CRTAC1: variants seen among roughly 807,000 people sequenced by gnomAD.
The protein encoded by CRTAC1 is cartilage acidic protein 1, also known as acidic secreted protein in cartilage.
In CRTAC1, 37 loss-of-function variants were observed where a neutral mutation model predicts 67.8. The observed-to-expected ratio is 0.55, with a 90% CI of 0.42 to 0.72. CRTAC1 has a LOEUF of 0.72. CRTAC1 is among the 30% of genes least tolerant of loss of function. The pLI, the probability that CRTAC1 is intolerant of heterozygous loss-of-function variation, is 0.00. For missense variants in CRTAC1, 780 were observed against 931.6 expected (o/e 0.84, Z 2.12); for synonymous variants, 348 against 371.0 (o/e 0.94, Z 0.71).
intron 11 of CRTAC1, among the ~76,000 whole-genome samples, chr10:97,886,632 AT>A (rs909518598): frequency 1.2e-4 from 16 of 136,262 alleles, no homozygotes; most frequent in East Asian, 4.5e-4. Flanking sequence ...CCAACTACAG[AT>A]TTTTTTTTCT....
At chr10:97,989,648 T>C (rs980994433) in intron 2 of CRTAC1, among the ~76,000 whole-genome samples, 9 of 152,272 alleles carry the variant, frequency 5.9e-5, no homozygotes, top group Non-Finnish European at 1.2e-4. Flanking sequence ...TTGCATGCCA[T>C]AACTCCTATT....
At chr10:97,930,547 AG>A (rs1165520874) in intron 3 of CRTAC1, among the ~76,000 whole-genome samples, 1 of 152,240 alleles carries the variant, frequency 6.6e-6, no homozygotes. Flanking sequence ...GGGGCCTAAC[AG>A]TCTGCATTTT....
intron 5 of CRTAC1, among the ~76,000 whole-genome samples, chr10:97,914,919 G>A (rs1366881119): frequency 2.0e-5 from 3 of 152,100 alleles, no homozygotes; most frequent in Non-Finnish European, 4.4e-5. Flanking sequence ...GAGCTGGCAT[G>A]GTGGCCACTA....
At chr10:97,879,203 T>A (rs2050180432) in intron 14 of CRTAC1, among the ~76,000 whole-genome samples, 1 of 152,102 alleles carries the variant, frequency 6.6e-6, no homozygotes, top group African/African-American at 2.4e-5. Flanking sequence ...AGGACCACCC[T>A]TTTCCCTCCC....
At chr10:97,885,944 T>C (rs1247727459) in intron 11 of CRTAC1, among the ~76,000 whole-genome samples, 13 of 152,272 alleles carry the variant, frequency 8.5e-5, no homozygotes. Flanking sequence ...GTTGAATGTA[T>C]ATTCGCATTT....
intron 12 of CRTAC1, 72 bp from the exon 13 acceptor site, chr10:97,882,900 G>A: frequency 6.7e-7 from 1 of 1,486,070 alleles, no homozygotes; most frequent in Non-Finnish European, 9.4e-7. Flanking sequence ...CCTAGTCACA[G>A]CCACAGAGTA....
At chr10:97,934,233 A>G (rs569934488) in intron 3 of CRTAC1, among the ~76,000 whole-genome samples, 20 of 152,326 alleles carry the variant, frequency 1.3e-4, no homozygotes, top group African/African-American at 4.3e-4. Context: ...ACCTTGTCCA[A>G]CGTTAAAGAG....
chr10:97,983,112 G>A (rs2136665092), intron 2 of CRTAC1, among the ~76,000 whole-genome samples: 1 of 152,338 alleles, frequency 6.6e-6, no homozygotes, highest in East Asian at 1.9e-4. Context: ...AAACAAGTAT[G>A]AAACATGCCA....
intron 3 of CRTAC1, among the ~76,000 whole-genome samples, chr10:97,934,327 G>A (rs2051048435): frequency 6.6e-6 from 1 of 152,192 alleles, no homozygotes; most frequent in Non-Finnish European, 1.5e-5. Flanking sequence ...GCATAATCAT[G>A]CCCTGATATT....
intron 14 of CRTAC1, among the ~76,000 whole-genome samples, 196 bp downstream of exon 14, chr10:97,880,053 C>T (rs113991763): frequency 2.0e-5 from 3 of 152,310 alleles, no homozygotes; most frequent in African/African-American, 7.2e-5. Flanking sequence ...CCTGGCCCTT[C>T]AGGTGATGGT....
intron 2 of CRTAC1, among the ~76,000 whole-genome samples, chr10:98,010,241 T>C (rs1842879558): frequency 6.6e-6 from 1 of 152,104 alleles, no homozygotes; most frequent in Admixed American, 6.6e-5. Flanking sequence ...GGTTTCACCA[T>C]GTTGGCCAGG....
intron 2 of CRTAC1, among the ~76,000 whole-genome samples, chr10:97,965,457 C>G (rs1022271587): frequency 4.6e-5 from 7 of 152,176 alleles, no homozygotes; most frequent in African/African-American, 1.2e-4. Flanking sequence ...TCTCCCCTTT[C>G]TTTTGTAGCT....
At chr10:97,981,418 T>C (rs2051889398) in intron 2 of CRTAC1, among the ~76,000 whole-genome samples, 1 of 152,222 alleles carries the variant, frequency 6.6e-6, no homozygotes, top group Admixed American at 6.5e-5. Flanking sequence ...TTCTTTCCCT[T>C]AGTTATGATA....
At chr10:98,012,463 C>T (rs1415407549) in intron 1 of CRTAC1, among the ~76,000 whole-genome samples, 1 of 152,194 alleles carries the variant, frequency 6.6e-6, no homozygotes, top group Non-Finnish European at 1.5e-5. Context: ...CTAGTCCCAG[C>T]AGGCAAAGCG....
chr10:98,015,005 T>C (rs979284495), intron 1 of CRTAC1, among the ~76,000 whole-genome samples: 5 of 152,342 alleles, frequency 3.3e-5, no homozygotes, highest in Non-Finnish European at 1.5e-5. Context: ...CCCATGTTCA[T>C]AGAAGTATTA....
At chr10:97,964,149 C>A (rs2136645345) in intron 2 of CRTAC1, among the ~76,000 whole-genome samples, 1 of 152,292 alleles carries the variant, frequency 6.6e-6, no homozygotes, top group South Asian at 2.1e-4. Context: ...ACAGAATGAG[C>A]TACTTGCTAA....
At chr10:97,930,239 C>T (rs138266954) in intron 3 of CRTAC1, among the ~76,000 whole-genome samples, 24 of 152,322 alleles carry the variant, frequency 1.6e-4, no homozygotes, top group African/African-American at 5.3e-4. Context: ...TGAGGTTGCT[C>T]GTAGGAGGCA....
chr10:98,005,549 C>T (rs894331684), intron 2 of CRTAC1, among the ~76,000 whole-genome samples: 2 of 151,646 alleles, frequency 1.3e-5, no homozygotes, highest in Non-Finnish European at 1.5e-5. Context: ...AATATTTATT[C>T]GGATTTTGTT....
chr10:97,940,570 C>A (rs1246867149), intron 2 of CRTAC1, among the ~76,000 whole-genome samples: 13 of 152,254 alleles, frequency 8.5e-5, no homozygotes, highest in Non-Finnish European at 1.2e-4. Context: ...CCAACCCGTG[C>A]TGTGAGAGCC....
Sources: gnomAD v4.1 joint callset for allele counts (sites outside exome capture counted in the v4.1 genomes callset) on GRCh38, gnomAD v4.1.1 for gene constraint, MANE v1.5 for transcripts, NCBI Gene and HGNC (gene_info 2026-07-23, HGNC 2026-07-21) for gene names.